Variants in ESRRB observed in about 807,000 individuals in gnomAD.
The protein encoded by ESRRB is steroid hormone receptor ERR2.
In ESRRB, 16 loss-of-function variants were observed where a neutral mutation model predicts 46.0. That is an observed-to-expected ratio of 0.35 (90% confidence interval 0.24 to 0.53). ESRRB has a LOEUF of 0.53. ESRRB is among the 20% of genes least tolerant of loss of function. The pLI is 0.93. For synonymous variants in ESRRB, 246 were observed against 259.6 expected, an observed-to-expected ratio of 0.95 and a Z score of 0.50; for missense variants, 488 against 607.4, an observed-to-expected ratio of 0.80 and a Z score of 2.07.
At chr14:76,485,768 A>C (rs1889994063) in intron 5 of ESRRB, among the ~76,000 whole-genome samples, 1 of 152,178 alleles carries the variant, frequency 6.6e-6, no homozygotes, top group Non-Finnish European at 1.5e-5. Flanking sequence ...ACAGACAGAA[A>C]GAGGGGGACT....
At chr14:76,459,879 C>G (rs570922754) in intron 2 of ESRRB, among the ~76,000 whole-genome samples, 10 of 152,002 alleles carry the variant, frequency 6.6e-5, no homozygotes, top group African/African-American at 2.4e-4. Context: ...GTGGTGCCTG[C>G]TGGACTTGAG....
At chr14:76,352,244 T>G (rs1231082231) in intron 1 of ESRRB, among the ~76,000 whole-genome samples, 3 of 152,160 alleles carry the variant, frequency 2.0e-5, no homozygotes, top group African/African-American at 4.8e-5. Context: ...TACACATCAT[T>G]GGGAGCATTG....
chr14:76,485,635 G>GAGAGAGAGAGAGAGAGAGAGAAAGAA, intron 5 of ESRRB, among the ~76,000 whole-genome samples: 1 of 21,062 alleles, frequency 4.7e-5, no homozygotes, highest in Non-Finnish European at 1.8e-4. Flanking sequence ...CTGAGAGAGA[G>GAGAGAGAGAGAGAGAGAGAGAAAGAA]AGAGAGAGAG....
chr14:76,486,389 C>G (rs1890019678), intron 5 of ESRRB, among the ~76,000 whole-genome samples: 1 of 152,160 alleles, frequency 6.6e-6, no homozygotes, highest in Admixed American at 6.5e-5. Context: ...CAGGTAGCCC[C>G]CATCTGACTC....
At chr14:76,374,803 C>T (rs770399751), upstream of ESRRB, among the ~76,000 whole-genome samples, 42 of 152,112 alleles carry the variant, frequency 2.8e-4, no homozygotes, top group Admixed American at 2.6e-3. Flanking sequence ...CTGAGCCTTG[C>T]GCCCAGAGAA....
chr14:76,401,944 G>A (rs1335459010), intron 1 of ESRRB, among the ~76,000 whole-genome samples: 1 of 152,248 alleles, frequency 6.6e-6, no homozygotes, highest in East Asian at 1.9e-4. Flanking sequence ...TGGAGACCCA[G>A]GAGAGCTGAC....
chr14:76,315,497 C>T (rs1329225711), intron 1 of ESRRB, among the ~76,000 whole-genome samples: 2 of 152,170 alleles, frequency 1.3e-5, no homozygotes, highest in Admixed American at 6.5e-5. Flanking sequence ...ACTTGAGTTA[C>T]GAAACCCCTC....
intron 1 of ESRRB, among the ~76,000 whole-genome samples, chr14:76,312,110 G>A (rs1883745248): frequency 6.8e-6 from 1 of 147,340 alleles, no homozygotes; most frequent in African/African-American, 2.5e-5. Flanking sequence ...AGGACTCCTT[G>A]ATTTGTTTGG....
chr14:76,482,219 G>C lies in ESRRB; in HGVS notation c.688+93G>C, dbSNP rs1419714064. On this transcript the variant is annotated intron_variant, in intron 4 of 6. Coordinates refer to ENST00000644823, the MANE Select transcript of ESRRB (RefSeq NM_001379180.1). This position sits in a 1 kb window ranked among gnomAD's most constrained non-coding sequence, Gnocchi z 4.3. ...GGAAACATCATCTTCCCACCACTGG[G>C]TCATGAGACAATGTGGATCTTGGGG... 6.4e-6 allele frequency: 6 copies of C among 942,382 alleles called. No homozygotes were observed. The highest frequency in any genetic ancestry group is 5.1e-6 in the Non-Finnish European group (3 of 587,926). The allele number at this position is 942,382 out of a possible 1,614,324, so 58.4% of individuals were successfully genotyped here. A position where few individuals can be genotyped will look rare whatever the true frequency, so the allele number is the denominator to read the frequency against.
intron 2 of ESRRB, among the ~76,000 whole-genome samples, chr14:76,444,009 C>T (rs1032186750): frequency 1.3e-5 from 2 of 151,922 alleles, no homozygotes; most frequent in Non-Finnish European, 2.9e-5. Context: ...TGACAGATTG[C>T]TGTGGTTATT....
intron 1 of ESRRB, among the ~76,000 whole-genome samples, chr14:76,377,479 T>G (rs1260083624): frequency 6.6e-6 from 1 of 152,166 alleles, no homozygotes; most frequent in Non-Finnish European, 1.5e-5. Context: ...AGGCAGGTTG[T>G]GTGCGCGTGC....
chr14:76,472,225 C>A (rs558920025), intron 3 of ESRRB, among the ~76,000 whole-genome samples: 2 of 152,106 alleles, frequency 1.3e-5, no homozygotes, highest in Admixed American at 6.5e-5. Flanking sequence ...CTGTGTCAGG[C>A]GTACAGTTTT....
At chr14:76,333,294 TATATTTTATATATATG>T (rs1884078397) in intron 1 of ESRRB, among the ~76,000 whole-genome samples, 1 of 43,646 alleles carries the variant, frequency 2.3e-5, no homozygotes, top group Non-Finnish European at 3.5e-5. Flanking sequence ...TTATATATTA[TATATTTTATATATATG>T]ATATATTTAT....
At chr14:76,465,583 G>A (rs1024882389) in intron 3 of ESRRB, among the ~76,000 whole-genome samples, 10 of 152,172 alleles carry the variant, frequency 6.6e-5, no homozygotes, top group Admixed American at 6.5e-4. Flanking sequence ...TGAGACCCCT[G>A]CTGCCTCAAG....
At chr14:76,432,671 C>CTTT (rs529243634) in intron 1 of ESRRB, among the ~76,000 whole-genome samples, 18,332 of 111,234 alleles carry the variant, frequency 0.16, 2,507 homozygotes, top group African/African-American at 0.2. Flanking sequence ...TTCTCTCTCT[C>CTTT]TTTTTTTTTT....
intron 1 of ESRRB, among the ~76,000 whole-genome samples, chr14:76,356,686 T>C (rs1387693211): frequency 1.3e-5 from 2 of 152,166 alleles, no homozygotes; most frequent in Non-Finnish European, 2.9e-5. Flanking sequence ...TCCTATCCTC[T>C]TGGTGCTGCC....
chr14:76,365,583 G>A (rs1884512952), intron 1 of ESRRB, among the ~76,000 whole-genome samples: 2 of 152,198 alleles, frequency 1.3e-5, no homozygotes, highest in Non-Finnish European at 2.9e-5. Flanking sequence ...GTGCCTAAGC[G>A]AGCTTGAACC....
intron 1 of ESRRB, among the ~76,000 whole-genome samples, chr14:76,321,949 G>A (rs958157482): frequency 2.0e-5 from 3 of 152,006 alleles, no homozygotes; most frequent in Non-Finnish European, 2.9e-5. Flanking sequence ...CTGAGGTTAA[G>A]GATCTTGCTT....
chr14:76,449,526 G>T (rs1465315797), intron 2 of ESRRB, among the ~76,000 whole-genome samples: 1 of 151,838 alleles, frequency 6.6e-6, no homozygotes, highest in Non-Finnish European at 1.5e-5. Flanking sequence ...CTCCAGCCTG[G>T]GTGACGGAGC....
Sources: allele counts gnomAD v4.1 joint callset (sites outside exome capture counted in the v4.1 genomes callset), GRCh38; gene constraint gnomAD v4.1.1; non-coding constraint Gnocchi (gnomAD v3.1); transcripts MANE v1.5; gene names NCBI Gene and HGNC (gene_info 2026-07-23, HGNC 2026-07-21).